Variants in NEO1 observed in about 807,000 individuals in gnomAD.
The protein encoded by NEO1 is neogenin 1.
In NEO1, 63 loss-of-function variants were observed where a neutral mutation model predicts 159.7. That is an observed-to-expected ratio of 0.39 (90% CI 0.32 to 0.49). The LOEUF (loss-of-function observed/expected upper bound fraction) is 0.49, where lower values mean the gene tolerates loss of function less well. Ranked by LOEUF, NEO1 falls within the 20% of genes least tolerant of loss-of-function variation. The pLI, the probability that NEO1 is intolerant of heterozygous loss-of-function variation, is 0.85. For missense variants in NEO1, 1,615 were observed against 1,831.0 expected, an observed-to-expected ratio of 0.88 and a Z score of 2.15; for synonymous variants, 633 against 662.0, an observed-to-expected ratio of 0.96 and a Z score of 0.67.
chr15:73,074,488 T>C (rs2068678592), intron 1 of NEO1, among the ~76,000 whole-genome samples: 1 of 152,228 alleles, frequency 6.6e-6, no homozygotes, highest in African/African-American at 2.4e-5. Flanking sequence ...TGTTTCTTTT[T>C]CTTATGCTTT....
chr15:73,184,044 A>G (rs148548040), intron 7 of NEO1, among the ~76,000 whole-genome samples: 4 of 152,210 alleles, frequency 2.6e-5, no homozygotes, highest in East Asian at 3.9e-4. Flanking sequence ...TGAGAGAGAA[A>G]CTAATCATTA....
chr15:73,076,497 T>C (rs1026436037), intron 1 of NEO1, among the ~76,000 whole-genome samples: 4 of 152,160 alleles, frequency 2.6e-5, no homozygotes, highest in African/African-American at 9.7e-5. Context: ...AGGCCCATAG[T>C]TGATTTTCAG....
intron 2 of NEO1, among the ~76,000 whole-genome samples, chr15:73,121,600 T>C (rs762948880): frequency 6.6e-6 from 1 of 152,212 alleles, no homozygotes; most frequent in Non-Finnish European, 1.5e-5. Context: ...TTTTGTTTAC[T>C]AGTTTTGGTG....
chr15:73,127,163 G>A (rs1015103859), intron 4 of NEO1, among the ~76,000 whole-genome samples: 3 of 150,732 alleles, frequency 2.0e-5, no homozygotes, highest in Admixed American at 6.6e-5. Context: ...CCCAGGAGGC[G>A]AAGGTTGCAG....
intron 28 of NEO1, among the ~76,000 whole-genome samples, chr15:73,302,072 A>G (rs961429285): frequency 1.3e-5 from 2 of 152,078 alleles, no homozygotes; most frequent in Non-Finnish European, 2.9e-5. Context: ...CCCTTCTGTC[A>G]TTGTTCTTTT....
chr15:73,301,510 G>A, intron 28 of NEO1, 53 bp downstream of exon 28: 2 of 1,611,354 alleles, frequency 1.2e-6, no homozygotes, highest in Non-Finnish European at 1.7e-6. Context: ...CATGCCCCAG[G>A]GCCTGAGACT....
chr15:73,070,390 AAATG>A (rs1000683148), intron 1 of NEO1, among the ~76,000 whole-genome samples: 53 of 152,360 alleles, frequency 3.5e-4, no homozygotes, highest in African/African-American at 1.2e-3. Flanking sequence ...TACATGAAAC[AAATG>A]AAGTGTAATT....
intron 5 of NEO1, among the ~76,000 whole-genome samples, chr15:73,157,152 C>T (rs1057245603): frequency 6.6e-6 from 1 of 152,230 alleles, no homozygotes; most frequent in Admixed American, 6.5e-5. Context: ...AATCCCAAGC[C>T]TCCATGGCAG....
intron 14 of NEO1, 104 bp downstream of exon 14, chr15:73,258,980 G>A: frequency 1.2e-6 from 1 of 859,590 alleles, no homozygotes; most frequent in South Asian, 1.5e-5. Flanking sequence ...GCTCAAGTCT[G>A]TGAACTTTAG....
At chr15:73,092,659 A>G (rs892177179) in intron 1 of NEO1, among the ~76,000 whole-genome samples, 1 of 152,192 alleles carries the variant, frequency 6.6e-6, no homozygotes, top group Non-Finnish European at 1.5e-5. Context: ...TGAAATTGAA[A>G]TGATAAAATA....
chr15:73,083,800 G>C (rs540875018), intron 1 of NEO1, among the ~76,000 whole-genome samples: 1 of 151,958 alleles, frequency 6.6e-6, no homozygotes, highest in African/African-American at 2.4e-5. Flanking sequence ...TTCCTCATCT[G>C]TAAAGTGAGG....
chr15:73,059,051 A>G (rs1457098039), intron 1 of NEO1, among the ~76,000 whole-genome samples: 1 of 152,204 alleles, frequency 6.6e-6, no homozygotes. Context: ...TATGTGTAAA[A>G]ATAGCTTTAG....
chr15:73,183,264 A>G (rs1406564911), intron 7 of NEO1, among the ~76,000 whole-genome samples: 5 of 151,996 alleles, frequency 3.3e-5, no homozygotes, highest in African/African-American at 1.2e-4. Context: ...CTTCCCATTT[A>G]CTCAGACCCT....
chr15:73,068,833 A>G lies in NEO1; in HGVS notation c.130+16028A>G, dbSNP rs189420889. 5.0e-3 allele frequency among the ~76,000 whole-genome samples: 760 copies of G among 152,246 alleles called. 8 individuals carry two copies. Among genetic ancestry groups the G allele is most frequent in the Non-Finnish European group, 7.4e-3 (500 of 68,022 alleles). On this transcript the variant is annotated intron_variant, in intron 1 of 28. Transcript: ENST00000261908. ...TTGGTTTAGTTTGATGTCTGATCCAATTAAAAAGAATAGTGTTTTTTTTTA... is the reference window on the plus strand; with the variant it reads ...TTGGTTTAGTTTGATGTCTGATCCAGTTAAAAAGAATAGTGTTTTTTTTTA...
intron 22 of NEO1, among the ~76,000 whole-genome samples, chr15:73,280,352 C>A (rs1403408638): frequency 6.6e-6 from 1 of 151,996 alleles, no homozygotes; most frequent in African/African-American, 2.4e-5. Context: ...TATATATTGT[C>A]CCTGGTAGGA....
intron 1 of NEO1, among the ~76,000 whole-genome samples, chr15:73,094,446 A>C (rs113883770): frequency 2.0e-5 from 3 of 152,192 alleles, no homozygotes; most frequent in African/African-American, 7.2e-5. Context: ...GATATAATAC[A>C]TGTTATATAA....
chr15:73,259,679 G>T (rs1195125275), intron 14 of NEO1, among the ~76,000 whole-genome samples: 1 of 152,056 alleles, frequency 6.6e-6, no homozygotes, highest in African/African-American at 2.4e-5. Flanking sequence ...TTAAATTAAG[G>T]TAGTAACTTA....
chr15:73,265,200 A>G (rs2040830615), intron 15 of NEO1, among the ~76,000 whole-genome samples: 1 of 152,174 alleles, frequency 6.6e-6, no homozygotes, highest in African/African-American at 2.4e-5. Flanking sequence ...AGATTCAACA[A>G]AACTTGATTG....
intron 7 of NEO1, among the ~76,000 whole-genome samples, chr15:73,180,265 A>T (rs1204027828): frequency 2.0e-5 from 3 of 152,170 alleles, no homozygotes; most frequent in African/African-American, 7.2e-5. Flanking sequence ...CTGGCTTTTC[A>T]CTAACATGGC....
Sources: allele counts gnomAD v4.1 joint callset (sites outside exome capture counted in the v4.1 genomes callset), GRCh38; gene constraint gnomAD v4.1.1; transcripts MANE v1.5; gene names NCBI Gene and HGNC (gene_info 2026-07-23, HGNC 2026-07-21).